Variants in FOXO3 observed in about 807,000 individuals in gnomAD.
FOXO3 encodes forkhead box O3.
In FOXO3, 4 loss-of-function variants were observed where a neutral mutation model predicts 41.9. The ratio of observed to expected loss-of-function variants is 0.10; its 90% CI spans 0.05 to 0.22. The LOEUF (loss-of-function observed/expected upper bound fraction) is 0.22. Among genes scored for constraint, FOXO3 ranks in the 10% least tolerant of loss-of-function variants. FOXO3 has a pLI of 1.00. For synonymous variants in FOXO3, 318 were observed against 389.3 expected, an observed-to-expected ratio of 0.82 and a Z score of 2.16; for missense variants, 534 against 906.8, an observed-to-expected ratio of 0.59 and a Z score of 5.28.
intron 1 of FOXO3, among the ~76,000 whole-genome samples, chr6:108,572,366 G>A (rs1776125959): frequency 6.6e-6 from 1 of 152,208 alleles, no homozygotes; most frequent in African/African-American, 2.4e-5. Flanking sequence ...AATCTCTCTG[G>A]AGTCCCCTCA....
Position 108,665,812 on chromosome 6 carries a change from GAA to G in FOXO3, c.*34+939_*34+940del, listed in dbSNP as rs34062396. On this transcript the variant is annotated intron_variant, in intron 2 of 2. Coordinates refer to ENST00000406360, the MANE Select transcript of FOXO3 (RefSeq NM_001455.4). ...TGGTAAAGCAAGAACCTATCTCTTA[GAA>G]AAAAAAAAAAAAAAAGCCAAAAAAT... Among the ~76,000 whole-genome samples the G allele has an allele frequency of 1.5e-3, 187 of 125,418 alleles. 1 individual carries two copies. The highest frequency in any genetic ancestry group is 0.011 in the South Asian group (40 of 3,728). The allele number at this position is 125,418 out of a possible 152,430, so 82.3% of individuals were successfully genotyped here.
intron 1 of FOXO3, among the ~76,000 whole-genome samples, chr6:108,662,961 C>T (rs1386748305): frequency 6.6e-6 from 1 of 152,168 alleles, no homozygotes; most frequent in East Asian, 1.9e-4. Context: ...TCCCTTCCCC[C>T]TAGATATGAA....
Position 108,561,397 on chromosome 6 carries a change from T to C in FOXO3, c.189T>C (p.Asp63=), listed in dbSNP as rs1775781030. 6 of 1,549,212 alleles carry C rather than the reference T, an allele frequency of 3.9e-6. No homozygotes were observed. Among genetic ancestry groups the C allele is most frequent in the Non-Finnish European group, 5.2e-6 (6 of 1,149,430 alleles). Residue 63 remains aspartate, a synonymous_variant, in exon 1 of 3, where the codon GAT becomes GAC. Coordinates refer to ENST00000406360, the MANE Select transcript of FOXO3 (RefSeq NM_001455.4). ...CCATGATCCCCGAGGAGGAGGACGA[T>C]GAAGACGACGAGGACGGCGGGGGAC... ...ADSMIPEEED[D]EDDEDGGGRA...
chr6:108,635,104 C>T (rs867452547), intron 1 of FOXO3, among the ~76,000 whole-genome samples: 36 of 152,062 alleles, frequency 2.4e-4, no homozygotes, highest in Middle Eastern at 6.8e-3. Context: ...AGTTCAAGAC[C>T]AGTCTGGCCA....
In FOXO3 at chr6:108,607,463, AAAG is replaced by A. The variant is rs1334947582; in HGVS notation, c.621+45641_621+45643del. Among the ~76,000 whole-genome samples, 251 of 151,834 alleles carry A rather than the reference AAAG, an allele frequency of 1.7e-3. 2 individuals carry two copies. The highest frequency in any genetic ancestry group is 1.2e-3 in the Non-Finnish European group (83 of 67,954). On this transcript the variant is annotated intron_variant, in intron 1 of 2. Transcript: ENST00000406360. ...AGACTATCTCAAAAAAAAAAAAAAA[AAAG>A]AAGAAGGAGTTTCTGTACTCCCTTC...
Position 108,560,946 on chromosome 6 carries a change from C to T in FOXO3, c.-263C>T. The T allele has an allele frequency of 7.7e-7, 1 of 1,302,284 alleles. No individual in the cohort carries two copies. The highest frequency in any genetic ancestry group is 9.7e-7 in the Non-Finnish European group (1 of 1,028,706). The allele number at this position is 1,302,284 out of a possible 1,614,324, so 80.7% of individuals were successfully genotyped here. On this transcript the variant is annotated 5_prime_UTR_variant, in exon 1 of 3. Transcript: ENST00000406360. ...TCTGCTGCGCCAGGTTCGCTGGCCG[C>T]ACGTCTTCAGGTCCTCCTGTTCCTG...
At chr6:108,618,296 G>A (rs922156296) in intron 1 of FOXO3, 20 of 705,068 alleles carry the variant, frequency 2.8e-5, no homozygotes, top group African/African-American at 1.9e-4. Flanking sequence ...GATGAGCACC[G>A]GTTTCTCCTC....
chr6:108,670,608 AG>A (rs1779190806), intron 2 of FOXO3, among the ~76,000 whole-genome samples: 1 of 152,290 alleles, frequency 6.6e-6, no homozygotes, highest in African/African-American at 2.4e-5. Context: ...TGAACTTTTT[AG>A]GGTAGGATAT....
In FOXO3 at chr6:108,663,719, A is replaced by G. The variant is rs772568117; in HGVS notation, c.886A>G (p.Thr296Ala). The stretch of plus-strand genomic sequence containing the variant: ...GCTCTCCAAGTGGCCTGGCAGCCCC[A>G]CGTCACGCAGCAGTGATGAGCTGGA... Reference protein sequence around the residue: ...SQLSKWPGSPTSRSSDELDAW... With the variant: ...SQLSKWPGSPASRSSDELDAW... The change falls in exon 2 of 3, where the codon ACG (threonine) becomes GCG (alanine). Residue 296 changes from threonine (T) to alanine (A), a missense_variant. Thr to Ala is a moderately conservative substitution (Grantham distance 58, BLOSUM62 0). Coordinates refer to ENST00000406360, the MANE Select transcript of FOXO3 (RefSeq NM_001455.4). 6 of 1,613,598 alleles carry G rather than the reference A, an allele frequency of 3.7e-6. No individual in the cohort carries two copies. The highest frequency in any genetic ancestry group is 1.7e-4 in the Middle Eastern group (1 of 6,056).
At chr6:108,593,860 G>C (rs1317626185) in intron 1 of FOXO3, among the ~76,000 whole-genome samples, 2 of 150,796 alleles carry the variant, frequency 1.3e-5, no homozygotes, top group African/African-American at 5.0e-5. Context: ...GGGATTACAG[G>C]CATGTGCCAC....
chr6:108,579,112 C>G (rs1776341131), intron 1 of FOXO3, among the ~76,000 whole-genome samples: 1 of 152,078 alleles, frequency 6.6e-6, no homozygotes, highest in Non-Finnish European at 1.5e-5. Context: ...CAGAATGTTG[C>G]CTGAGATTCA....
intron 1 of FOXO3, among the ~76,000 whole-genome samples, chr6:108,579,166 TGGA>T (rs771898760): frequency 6.6e-6 from 1 of 152,182 alleles, no homozygotes; most frequent in Non-Finnish European, 1.5e-5. Flanking sequence ...AGGATGACTT[TGGA>T]TTACAGTTCA....
intron 1 of FOXO3, among the ~76,000 whole-genome samples, chr6:108,593,142 A>T (rs1188083432): frequency 6.6e-6 from 1 of 152,210 alleles, no homozygotes; most frequent in Non-Finnish European, 1.5e-5. Flanking sequence ...TGGACTTGGT[A>T]CAAGTGTTTT....
At chr6:108,671,342 A>C (rs1779212930) in intron 2 of FOXO3, among the ~76,000 whole-genome samples, 1 of 152,188 alleles carries the variant, frequency 6.6e-6, no homozygotes, top group Non-Finnish European at 1.5e-5. Context: ...ACTTCAGCAC[A>C]CTGTCCCTGG....
Position 108,683,959 on chromosome 6 carries a change from G to A in FOXO3, c.*4167G>A, listed in dbSNP as rs1182828291. ...TGCCTGTCAAATGAGGTCTTGAAGC[G>A]GATGCCCAAATAAAAGAGTATATTT... On this transcript the variant is annotated 3_prime_UTR_variant, in exon 3 of 3. Transcript: ENST00000406360. 13 of 152,488 alleles carry A rather than the reference G, an allele frequency of 8.5e-5. No individual in the cohort carries two copies. In the East Asian group the frequency reaches 2.1e-3, roughly 25 times the overall value. The allele number at this position is 152,488 out of a possible 1,614,324, so 9.4% of individuals were successfully genotyped here.
At chr6:108,608,297 G>A (rs1050052795) in intron 1 of FOXO3, among the ~76,000 whole-genome samples, 7 of 152,078 alleles carry the variant, frequency 4.6e-5, no homozygotes, top group African/African-American at 1.2e-4. Flanking sequence ...ATTAAGTGAC[G>A]CTCTCACTTT....
At chr6:108,626,183 TGTTA>T (rs1411012786) in intron 1 of FOXO3, among the ~76,000 whole-genome samples, 1 of 152,240 alleles carries the variant, frequency 6.6e-6, no homozygotes, top group Non-Finnish European at 1.5e-5. Flanking sequence ...CTGGGAAATG[TGTTA>T]GTTGAAAATT....
rs1450224867 is a variant in FOXO3 at position 108,682,472 on chromosome 6, G to A, written c.*2680G>A. 1.3e-5 allele frequency: 2 copies of A among 152,270 alleles called. No homozygotes were observed. 9.4% of individuals were successfully genotyped at this position (152,270 alleles called of 1,614,324 possible). ...AGAGCTGAGACCAGGGTAAAGTCAA[G>A]TGCAGCATCAGTACTGCGAGACCCA... On this transcript the variant is annotated 3_prime_UTR_variant, in exon 3 of 3. Transcript: ENST00000406360.
intron 1 of FOXO3, among the ~76,000 whole-genome samples, chr6:108,616,171 T>G (rs1254038352): frequency 7.1e-6 from 1 of 140,714 alleles, no homozygotes; most frequent in Non-Finnish European, 1.5e-5. Context: ...TTTTTTTTTT[T>G]TTTTTTTTTT....
Sources: allele counts gnomAD v4.1 joint callset (sites outside exome capture counted in the v4.1 genomes callset), GRCh38; gene constraint gnomAD v4.1.1; transcripts MANE v1.5; gene names NCBI Gene and HGNC (gene_info 2026-07-23, HGNC 2026-07-21).